FOXP1: variants seen among roughly 807,000 people sequenced by gnomAD.
The protein encoded by FOXP1 is forkhead box P1, also known as forkhead box protein P1.
Under a neutral mutation model 98.2 loss-of-function variants are expected in FOXP1, and 15 were observed. The observed-to-expected ratio is 0.15, with a 90% confidence interval of 0.10 to 0.24. FOXP1 has a LOEUF of 0.24. FOXP1 is among the 10% of genes least tolerant of loss of function. The pLI is 1.00. For synonymous variants in FOXP1, 371 were observed against 314.5 expected (o/e 1.18, Z -1.90); for missense variants, 633 against 848.5 (o/e 0.75, Z 3.15).
chr3:71,053,073 G>A (rs1430742332), intron 8 of FOXP1, among the ~76,000 whole-genome samples: 1 of 152,074 alleles, frequency 6.6e-6, no homozygotes, highest in East Asian at 1.9e-4. Flanking sequence ...CTGTAGTTCC[G>A]AATCTCATCT....
At chr3:71,576,973 G>A (rs1049856611) in intron 2 of FOXP1, among the ~76,000 whole-genome samples, 8 of 152,228 alleles carry the variant, frequency 5.3e-5, no homozygotes, top group Middle Eastern at 6.8e-3. Context: ...ATTAAAGACT[G>A]GCATCAGGGC....
Position 70,977,873 on chromosome 3 carries a change from T to C in FOXP1, c.1303A>G (p.Ile435Val). Residue 435 changes from isoleucine to valine, a missense_variant, in exon 15 of 21, where the codon ATC becomes GTC. By Grantham distance (29) the Ile-to-Val change is conservative (BLOSUM62 3). This residue lies in a region of FOXP1 where 141 missense variants were observed against 199.5 expected (regional missense o/e 0.71). Transcript: ENST00000649528. ...TTTSMHTVGPIRRRYSDKYNV... is the reference protein window; with the variant it reads ...TTTSMHTVGPVRRRYSDKYNV... The stretch of plus-strand genomic sequence containing the variant: ...TATTTGTCTGAGTACCGCCTGCGGA[T>C]GGGTCCCACCGTGTGCATGCTGGTG... 6.2e-7 allele frequency: 1 copy of C among 1,614,180 alleles called. No homozygotes were observed. The highest frequency in any genetic ancestry group is 8.5e-7 in the Non-Finnish European group (1 of 1,180,034).
At chr3:71,289,567 C>A (rs991938599) in intron 5 of FOXP1, 2 of 152,150 alleles carry the variant, frequency 1.3e-5, no homozygotes, top group African/African-American at 4.8e-5. Context: ...GGTTCACAAT[C>A]TCAGAGTTTT....
chr3:71,504,687 C>A (rs2041674820), intron 2 of FOXP1, among the ~76,000 whole-genome samples: 1 of 152,066 alleles, frequency 6.6e-6, no homozygotes, highest in Non-Finnish European at 1.5e-5. Context: ...TCTCGAGGCG[C>A]CAAGGGAAGA....
rs1446760530 is a variant in FOXP1, at chr3:71,052,526, A to G, written c.510+11T>C. 1 of 1,062,750 alleles carries G rather than the reference A, an allele frequency of 9.4e-7. No homozygotes were observed. Among genetic ancestry groups the G allele is most frequent in the South Asian group, 1.2e-5 (1 of 80,154 alleles). 65.8% of individuals were successfully genotyped at this position (1,062,750 alleles called of 1,614,324 possible). A position where few individuals can be genotyped will look rare whatever the true frequency, so the allele number is the denominator to read the frequency against. ...TCTGTGGTTTGAAAGTAAAATATGT[A>G]TTGTCGGTACCTCTTTAGGCTGTTT... On this transcript the variant is annotated intron_variant, in intron 9 of 20. Coordinates refer to ENST00000649528, the MANE Select transcript of FOXP1 (RefSeq NM_001349338.3).
At chr3:71,297,940 C>T (rs2073481400) in intron 5 of FOXP1, among the ~76,000 whole-genome samples, 1 of 152,066 alleles carries the variant, frequency 6.6e-6, no homozygotes, top group Non-Finnish European at 1.5e-5. Context: ...TGCCAGAAAC[C>T]TCTGCTAACA....
chr3:71,515,670 G>T (rs925980210), intron 2 of FOXP1, among the ~76,000 whole-genome samples: 1 of 152,066 alleles, frequency 6.6e-6, no homozygotes, highest in Non-Finnish European at 1.5e-5. Context: ...GTGCTGTGTG[G>T]CTACAGAAGA....
chr3:71,374,936 T>C (rs2108009879), intron 3 of FOXP1, among the ~76,000 whole-genome samples: 1 of 152,314 alleles, frequency 6.6e-6, no homozygotes, highest in East Asian at 1.9e-4. Flanking sequence ...TGTTAACATC[T>C]TGAACAAGAA....
At chr3:71,133,567 A>T (rs371157992) in intron 6 of FOXP1, among the ~76,000 whole-genome samples, 1 of 152,254 alleles carries the variant, frequency 6.6e-6, no homozygotes, top group African/African-American at 2.4e-5. Context: ...GAGACCAAGA[A>T]CAACACGGAA....
chr3:71,353,279 A>C (rs1416797024), intron 4 of FOXP1, among the ~76,000 whole-genome samples: 1 of 152,232 alleles, frequency 6.6e-6, no homozygotes, highest in Non-Finnish European at 1.5e-5. Context: ...GGGCAGCACA[A>C]GGGCTGATCT....
rs1299981060 is a variant in FOXP1 at position 71,012,736 on chromosome 3, A to T, written c.974+2813T>A. Among the ~76,000 whole-genome samples the T allele has an allele frequency of 6.0e-3, 909 of 152,256 alleles. 7 individuals carry two copies. Among genetic ancestry groups the T allele is most frequent in the African/African-American group, 0.019 (786 of 41,560 alleles). Reference sequence around the variant, plus strand: ...ACTGTTCTAACAATATAAAGACCACACAAAACTGGAGACCTGCACATAAAT... The same window carrying T: ...ACTGTTCTAACAATATAAAGACCACTCAAAACTGGAGACCTGCACATAAAT... On this transcript the variant is annotated intron_variant, in intron 12 of 20. Transcript: ENST00000649528.
chr3:71,275,328 T>C (rs1226851840), intron 5 of FOXP1, among the ~76,000 whole-genome samples: 1 of 152,194 alleles, frequency 6.6e-6, no homozygotes, highest in African/African-American at 2.4e-5. Context: ...GGAATTTATT[T>C]GCTATTGCCC....
chr3:71,580,525 T>C (rs777704337), intron 2 of FOXP1, among the ~76,000 whole-genome samples: 2 of 152,174 alleles, frequency 1.3e-5, no homozygotes, highest in African/African-American at 2.4e-5. Flanking sequence ...ATTTGATACA[T>C]TTCTCTCTGG....
At chr3:71,296,389 T>C (rs1264576166) in intron 5 of FOXP1, 3 of 152,204 alleles carry the variant, frequency 2.0e-5, no homozygotes, top group East Asian at 3.9e-4. Context: ...CTAACCACTA[T>C]ATTCACTTGA....
chr3:71,250,219 C>T (rs893523148), intron 5 of FOXP1, among the ~76,000 whole-genome samples: 3 of 152,216 alleles, frequency 2.0e-5, no homozygotes, highest in South Asian at 2.1e-4. Flanking sequence ...CCTCCAAAAA[C>T]GTCTCCAGAC....
chr3:70,967,717 T>TG (rs1559586519), intron 19 of FOXP1, among the ~76,000 whole-genome samples: 1 of 140,720 alleles, frequency 7.1e-6, no homozygotes, highest in Non-Finnish European at 1.5e-5. Flanking sequence ...TTTGTTTTTT[T>TG]TTTTTTTTTT....
chr3:71,065,386 T>G (rs971135150), intron 7 of FOXP1, among the ~76,000 whole-genome samples: 4 of 152,204 alleles, frequency 2.6e-5, no homozygotes, highest in Non-Finnish European at 5.9e-5. Flanking sequence ...CCAAGCCGAC[T>G]GCTCCGAGCA....
At chr3:71,406,806 A>G (rs1024214996) in intron 3 of FOXP1, among the ~76,000 whole-genome samples, 2 of 152,080 alleles carry the variant, frequency 1.3e-5, no homozygotes, top group Non-Finnish European at 2.9e-5. Flanking sequence ...GGCAAAAATG[A>G]CACATTCTGA....
intron 18 of FOXP1, chr3:70,971,239 G>A (rs577480918): frequency 5.4e-5 from 15 of 275,508 alleles, no homozygotes; most frequent in Non-Finnish European, 7.8e-5. Flanking sequence ...GAACTTTACA[G>A]TGACTGCTAG....
Sources: allele counts gnomAD v4.1 joint callset (sites outside exome capture counted in the v4.1 genomes callset), GRCh38; gene constraint gnomAD v4.1.1; regional missense constraint gnomAD v4.1.1; transcripts MANE v1.5; gene names NCBI Gene and HGNC (gene_info 2026-07-23, HGNC 2026-07-21).